NR6A1: variants seen among roughly 807,000 people sequenced by gnomAD.
NR6A1 encodes nuclear receptor subfamily 6 group A member 1, also known as retinoic acid receptor-related testis-associated receptor.
A neutral mutation model predicts 59.1 loss-of-function variants in NR6A1; 7 were observed. The ratio of observed to expected loss-of-function variants is 0.12; its 90% CI spans 0.07 to 0.22. The LOEUF is 0.22. Among genes scored for constraint, NR6A1 ranks in the 10% least tolerant of loss-of-function variants. The pLI is 1.00. For missense variants in NR6A1, 468 were observed against 611.6 expected (o/e 0.77, Z 2.48); for synonymous variants, 243 against 236.1 (o/e 1.03, Z -0.27).
intron 1 of NR6A1, among the ~76,000 whole-genome samples, chr9:124,751,279 G>A (rs1043685393): frequency 5.9e-5 from 9 of 152,268 alleles, no homozygotes; most frequent in South Asian, 4.1e-4. Flanking sequence ...ACAACTCAGC[G>A]AAGAAATCAG....
At chr9:124,628,733 C>T (rs1564208131) in intron 2 of NR6A1, among the ~76,000 whole-genome samples, 1 of 151,938 alleles carries the variant, frequency 6.6e-6, no homozygotes, top group South Asian at 2.1e-4. Flanking sequence ...CTCCGCCTCC[C>T]GGGTTCAAGC....
chr9:124,704,574 G>C (rs903070788), intron 2 of NR6A1, among the ~76,000 whole-genome samples: 3 of 152,068 alleles, frequency 2.0e-5, no homozygotes, highest in Admixed American at 1.3e-4. Context: ...CTTCGGATTA[G>C]TTTGTGTTTT....
intron 4 of NR6A1, among the ~76,000 whole-genome samples, chr9:124,542,460 A>C (rs1833476497): frequency 6.6e-6 from 1 of 152,172 alleles, no homozygotes; most frequent in African/African-American, 2.4e-5. Context: ...TTACCCAGTA[A>C]ATATCTCTTG....
At chr9:124,570,671 G>A (rs752812482) in intron 2 of NR6A1, among the ~76,000 whole-genome samples, 1 of 127,314 alleles carries the variant, frequency 7.9e-6, no homozygotes, top group Non-Finnish European at 1.6e-5. Context: ...TTTCTAGTTG[G>A]AGAAATCTAT....
At chr9:124,727,587 T>C (rs564196768) in intron 2 of NR6A1, among the ~76,000 whole-genome samples, 18 of 152,360 alleles carry the variant, frequency 1.2e-4, no homozygotes, top group Non-Finnish European at 1.5e-4. Flanking sequence ...AAGTGAGAGA[T>C]AGAAGTACTT....
intron 2 of NR6A1, among the ~76,000 whole-genome samples, chr9:124,688,141 G>GT (rs1332475998): frequency 6.6e-6 from 1 of 152,042 alleles, no homozygotes; most frequent in Non-Finnish European, 1.5e-5. Context: ...GGGGAACATA[G>GT]TGAGACCCTG....
intron 2 of NR6A1, among the ~76,000 whole-genome samples, chr9:124,612,817 C>T (rs1395757072): frequency 5.1e-5 from 7 of 138,258 alleles, no homozygotes; most frequent in South Asian, 2.3e-4. Flanking sequence ...TTCTTTCTTT[C>T]TTTTCTTTCT....
rs10986383 is a variant in NR6A1 at position 124,627,985 on chromosome 9, G to C, written c.143-73415C>G. Among the ~76,000 whole-genome samples, 285 of 148,646 alleles carry C rather than the reference G, an allele frequency of 1.9e-3. 2 individuals carry two copies. The Middle Eastern group carries it at 0.024, about 13-fold the overall frequency. On this transcript the variant is annotated intron_variant, in intron 2 of 9. Coordinates refer to ENST00000487099, the MANE Select transcript of NR6A1 (RefSeq NM_033334.4). ...GATGGAAGAAAATACGGTGTGTGTA[G>C]AGAGTGAAGGGGACTTTGTTTGGCC...
intron 2 of NR6A1, among the ~76,000 whole-genome samples, chr9:124,626,400 C>T (rs994504519): frequency 1.3e-5 from 2 of 152,200 alleles, no homozygotes; most frequent in African/African-American, 2.4e-5. Flanking sequence ...AGCCTCAAAG[C>T]ATATTGGTTC....
intron 7 of NR6A1, among the ~76,000 whole-genome samples, chr9:124,534,112 G>A (rs142926682): frequency 0.014 from 1,982 of 142,186 alleles, 36 homozygotes; most frequent in African/African-American, 0.043. Flanking sequence ...CGCTCTTGTC[G>A]CCCAGGCTGG....
At chr9:124,555,543 G>A (rs1289204322) in intron 2 of NR6A1, among the ~76,000 whole-genome samples, 3 of 152,194 alleles carry the variant, frequency 2.0e-5, no homozygotes, top group Non-Finnish European at 4.4e-5. Context: ...TTGAGCCTAG[G>A]AGTTTGAGGC....
chr9:124,595,705 G>T, intron 2 of NR6A1: 1 of 1,084,478 alleles, frequency 9.2e-7, no homozygotes, highest in Non-Finnish European at 1.2e-6. Flanking sequence ...AACCTTCAAA[G>T]AAAATTTCTA....
At chr9:124,737,780 C>T (rs1402655756) in intron 1 of NR6A1, among the ~76,000 whole-genome samples, 1 of 151,764 alleles carries the variant, frequency 6.6e-6, no homozygotes, top group Non-Finnish European at 1.5e-5. Context: ...GCAGAAGAAT[C>T]GCTTGAACAC....
rs764833557 is a variant in NR6A1 at position 124,522,386 on chromosome 9, G to T, written c.*319C>A. Reference sequence around the variant, plus strand: ...CCACCCTCTCCCTCAAAATACAAAAGAACTATTTCTAAACAATGACAACAC... The same window carrying T: ...CCACCCTCTCCCTCAAAATACAAAATAACTATTTCTAAACAATGACAACAC... On this transcript the variant is annotated 3_prime_UTR_variant, in exon 10 of 10. Transcript: ENST00000487099. 2 of 186,784 alleles carry T rather than the reference G, an allele frequency of 1.1e-5. No homozygotes were observed. The highest frequency in any genetic ancestry group is 2.6e-4 in the East Asian group (2 of 7,640). 11.6% of individuals were successfully genotyped at this position (186,784 alleles called of 1,614,324 possible).
intron 2 of NR6A1, among the ~76,000 whole-genome samples, chr9:124,640,882 T>G (rs1288089839): frequency 2.6e-5 from 4 of 152,194 alleles, no homozygotes; most frequent in African/African-American, 4.8e-5. Context: ...TAAATGGGCT[T>G]GATTACCCTT....
intron 2 of NR6A1, among the ~76,000 whole-genome samples, chr9:124,562,374 C>T (rs547287675): frequency 6.6e-6 from 1 of 152,146 alleles, no homozygotes; most frequent in South Asian, 2.1e-4. Context: ...AGGTAACATG[C>T]TTGGTCTTTG....
chr9:124,730,366 C>G (rs1305314615), intron 2 of NR6A1, among the ~76,000 whole-genome samples: 1 of 151,920 alleles, frequency 6.6e-6, no homozygotes, highest in Non-Finnish European at 1.5e-5. Flanking sequence ...TAGGTGGGAC[C>G]ACAAGCACAT....
intron 2 of NR6A1, among the ~76,000 whole-genome samples, chr9:124,569,354 T>TA (rs1413434816): frequency 6.6e-6 from 1 of 152,210 alleles, no homozygotes; most frequent in Non-Finnish European, 1.5e-5. Flanking sequence ...GCCTTGCTGT[T>TA]ACAAAAATAC....
chr9:124,726,430 CA>C (rs2131109651), intron 2 of NR6A1, among the ~76,000 whole-genome samples: 1 of 152,266 alleles, frequency 6.6e-6, no homozygotes, highest in Non-Finnish European at 1.5e-5. Flanking sequence ...TATTGGGGAG[CA>C]AAACCTTTAG....
Sources: allele counts gnomAD v4.1 joint callset (sites outside exome capture counted in the v4.1 genomes callset), GRCh38; gene constraint gnomAD v4.1.1; transcripts MANE v1.5; gene names NCBI Gene and HGNC (gene_info 2026-07-23, HGNC 2026-07-21).